The following BRINP3 variants were observed in gnomAD, a reference collection of about 807,000 sequenced individuals.
The protein encoded by BRINP3 is BMP/retinoic acid-inducible neural-specific protein 3.
BRINP3 carries 19 observed loss-of-function variants against 71.0 expected under a neutral mutation model. The observed-to-expected ratio is 0.27, with a 90% confidence interval of 0.19 to 0.39. The LOEUF (loss-of-function observed/expected upper bound fraction) is 0.39. BRINP3 is among the 10% of genes least tolerant of loss of function. BRINP3 has a pLI of 1.00. For missense variants in BRINP3, 959 were observed against 940.8 expected (o/e 1.02, Z -0.25); for synonymous variants, 380 against 337.7 (o/e 1.13, Z -1.37).
rs550019843 is a variant in BRINP3 at position 190,450,956 on chromosome 1, AT to A, written c.236+3698del. Among the ~76,000 whole-genome samples, 962 of 151,928 alleles carry A rather than the reference AT, an allele frequency of 6.3e-3. 8 individuals carry two copies. The highest frequency in any genetic ancestry group is 7.7e-3 in the South Asian group (37 of 4,824). ...TTTCCTTAGTCATTTTTTAAATATA[AT>A]TTTTTTTCAAGGAACATGACTGAAA... On this transcript the variant is annotated intron_variant, in intron 2 of 7. Coordinates refer to ENST00000367462, the MANE Select transcript of BRINP3 (RefSeq NM_199051.3).
intron 7 of BRINP3, among the ~76,000 whole-genome samples, chr1:190,139,059 T>C (rs957704273): frequency 6.6e-6 from 1 of 151,944 alleles, no homozygotes; most frequent in Non-Finnish European, 1.5e-5. Flanking sequence ...AGTTGAACTT[T>C]GGATTTAGAA....
intron 2 of BRINP3, among the ~76,000 whole-genome samples, chr1:190,336,943 T>C (rs1168940596): frequency 1.3e-5 from 2 of 150,952 alleles, no homozygotes; most frequent in Non-Finnish European, 2.9e-5. Context: ...AGAATACTAA[T>C]GAATATTTGG....
rs1382280290 is a variant in BRINP3 at position 190,458,983 on chromosome 1, C to T, written c.-50-4043G>A. 2.6e-5 allele frequency among the ~76,000 whole-genome samples: 4 copies of T among 151,500 alleles called. No homozygotes were observed. In the East Asian group the frequency reaches 7.7e-4, roughly 29 times the overall value. ...ACACAAAAAAACAAAACATTAAAAACAATACAAAATTAAAAACATGACTTT... is the reference window on the plus strand; with the variant it reads ...ACACAAAAAAACAAAACATTAAAAATAATACAAAATTAAAAACATGACTTT... On this transcript the variant is annotated intron_variant, in intron 1 of 7. Transcript: ENST00000367462.
intron 2 of BRINP3, among the ~76,000 whole-genome samples, chr1:190,313,723 T>C (rs1422464809): frequency 2.0e-5 from 3 of 152,020 alleles, no homozygotes; most frequent in African/African-American, 7.2e-5. Flanking sequence ...ATTCTTCTTA[T>C]ATTTCAAATG....
At chr1:190,268,269 T>C (rs1049303531) in intron 3 of BRINP3, among the ~76,000 whole-genome samples, 4 of 152,144 alleles carry the variant, frequency 2.6e-5, no homozygotes, top group Non-Finnish European at 4.4e-5. Flanking sequence ...TGAATAACAA[T>C]GTTTTTTCCC....
intron 7 of BRINP3, among the ~76,000 whole-genome samples, chr1:190,150,659 A>T (rs1656312165): frequency 6.6e-6 from 1 of 152,156 alleles, no homozygotes. Context: ...GAAATAGCCA[A>T]TTTCATTTTT....
chr1:190,262,616 G>A (rs1278408953), intron 4 of BRINP3, among the ~76,000 whole-genome samples: 2 of 152,010 alleles, frequency 1.3e-5, no homozygotes, highest in Non-Finnish European at 2.9e-5. Context: ...TTTTTATTAT[G>A]AGCACTGGAA....
intron 7 of BRINP3, among the ~76,000 whole-genome samples, chr1:190,137,120 A>G (rs971798945): frequency 6.6e-6 from 1 of 152,120 alleles, no homozygotes; most frequent in African/African-American, 2.4e-5. Flanking sequence ...CATGATTTGA[A>G]CATGACTCTT....
intron 4 of BRINP3, among the ~76,000 whole-genome samples, chr1:190,258,086 C>T (rs573499212): frequency 3.3e-5 from 5 of 152,350 alleles, no homozygotes; most frequent in African/African-American, 9.6e-5. Context: ...GCCCTGCCCC[C>T]AGAGGTGGAG....
chr1:190,105,275 TCTC>T (rs972590257), intron 7 of BRINP3, among the ~76,000 whole-genome samples: 2 of 152,020 alleles, frequency 1.3e-5, no homozygotes, highest in African/African-American at 2.4e-5. Context: ...ACTTTGAGTC[TCTC>T]AAGAAAGTAC....
rs574158582 is a variant in BRINP3, at chr1:190,331,185, G to A, written c.237-49435C>T. Among the ~76,000 whole-genome samples, 32 of 151,870 alleles carry A rather than the reference G, an allele frequency of 2.1e-4. 1 individual carries two copies. The South Asian group carries it at 4.4e-3, about 21-fold the overall frequency. ...AGCTCTTGCAAGCTGGCATTATGGCGTTCTCATCATTCTATAGCCTATTAA... is the reference window on the plus strand; with the variant it reads ...AGCTCTTGCAAGCTGGCATTATGGCATTCTCATCATTCTATAGCCTATTAA... On this transcript the variant is annotated intron_variant, in intron 2 of 7. Coordinates refer to ENST00000367462, the MANE Select transcript of BRINP3 (RefSeq NM_199051.3).
intron 3 of BRINP3, 53 bp from the exon 4 acceptor site, chr1:190,265,108 T>C (rs996983390): frequency 1.3e-6 from 2 of 1,489,872 alleles, no homozygotes; most frequent in African/African-American, 2.9e-5. Context: ...ATCTTTTTTT[T>C]TAACTTATCT....
At chr1:190,219,988 G>A (rs922699419) in intron 6 of BRINP3, among the ~76,000 whole-genome samples, 1 of 151,824 alleles carries the variant, frequency 6.6e-6, no homozygotes. Flanking sequence ...CCAAATTGAA[G>A]AATTATTGGT....
Position 190,116,852 on chromosome 1 carries a change from G to A in BRINP3, c.1185-17718C>T, listed in dbSNP as rs543024402. 2.6e-5 allele frequency among the ~76,000 whole-genome samples: 4 copies of A among 152,076 alleles called. No homozygotes were observed. The East Asian group carries it at 7.7e-4, about 29-fold the overall frequency. Reference sequence around the variant, plus strand: ...GAATTTGAGTGCCTTATGTGACTTAGAATTTCTGTATACAAAACAAATTCA... The same window carrying A: ...GAATTTGAGTGCCTTATGTGACTTAAAATTTCTGTATACAAAACAAATTCA... On this transcript the variant is annotated intron_variant, in intron 7 of 7. Transcript: ENST00000367462.
At chr1:190,293,622 A>T (rs1306397808) in intron 2 of BRINP3, among the ~76,000 whole-genome samples, 1 of 152,108 alleles carries the variant, frequency 6.6e-6, no homozygotes, top group Non-Finnish European at 1.5e-5. Context: ...TGGGGTTTTG[A>T]AGTCCCCTAT....
chr1:190,239,021 C>G (rs1366669357), intron 4 of BRINP3, among the ~76,000 whole-genome samples: 1 of 152,116 alleles, frequency 6.6e-6, no homozygotes, highest in African/African-American at 2.4e-5. Context: ...TGAAGGGAAG[C>G]AAGACATGTC....
At chr1:190,099,277 C>T (rs1651479033) in intron 7 of BRINP3, 143 bp from the exon 8 acceptor site, 1 of 731,052 alleles carries the variant, frequency 1.4e-6, no homozygotes, top group Admixed American at 3.0e-5. Flanking sequence ...ATTCATAGAG[C>T]TCATAATTAG....
At chr1:190,405,677 C>T (rs1571967783) in intron 2 of BRINP3, among the ~76,000 whole-genome samples, 1 of 151,938 alleles carries the variant, frequency 6.6e-6, no homozygotes, top group East Asian at 1.9e-4. Flanking sequence ...AAAGCAATTG[C>T]TAGATACACT....
At chr1:190,145,937 T>C (rs1334610613) in intron 7 of BRINP3, among the ~76,000 whole-genome samples, 1 of 152,196 alleles carries the variant, frequency 6.6e-6, no homozygotes, top group East Asian at 1.9e-4. Context: ...TTATTCTAAG[T>C]GAAGTTGCTC....
Sources: allele counts gnomAD v4.1 joint callset (sites outside exome capture counted in the v4.1 genomes callset), GRCh38; gene constraint gnomAD v4.1.1; transcripts MANE v1.5; gene names NCBI Gene and HGNC (gene_info 2026-07-23, HGNC 2026-07-21).